ZYG11B: variants seen among roughly 807,000 people sequenced by gnomAD.
The protein encoded by ZYG11B is zyg-11 family member B, cell cycle regulator, also known as protein zyg-11 homolog B.
ZYG11B carries 36 observed loss-of-function variants against 82.4 expected under a neutral mutation model. The ratio of observed to expected loss-of-function variants is 0.44; its 90% CI spans 0.33 to 0.58. The LOEUF is 0.58. Among genes scored for constraint, ZYG11B ranks in the 20% least tolerant of loss-of-function variants. The pLI is 0.02. For missense variants in ZYG11B, 552 were observed against 895.6 expected (o/e 0.62, Z 4.90); for synonymous variants, 303 against 312.8 (o/e 0.97, Z 0.33).
At chr1:52,802,225 G>A in intron 10 of ZYG11B, 86 bp downstream of exon 10, 1 of 1,338,992 alleles carries the variant, frequency 7.5e-7, no homozygotes, top group Non-Finnish European at 1.0e-6. Context: ...GCTCTGCAGT[G>A]GCAGTATCAT....
At chr1:52,732,645 G>T (rs1644342410) in intron 1 of ZYG11B, among the ~76,000 whole-genome samples, 1 of 151,956 alleles carries the variant, frequency 6.6e-6, no homozygotes, top group Admixed American at 6.6e-5. Flanking sequence ...CACACCAGTA[G>T]TCCCAACTAC....
At chr1:52,729,082 G>A (rs1298435774) in intron 1 of ZYG11B, among the ~76,000 whole-genome samples, 1 of 152,134 alleles carries the variant, frequency 6.6e-6, no homozygotes, top group East Asian at 1.9e-4. Flanking sequence ...TGGAAGGCTG[G>A]GAAGTCCAAA....
intron 10 of ZYG11B, among the ~76,000 whole-genome samples, chr1:52,808,527 TTTC>T (rs1270386721): frequency 6.6e-6 from 1 of 152,152 alleles, no homozygotes; most frequent in Non-Finnish European, 1.5e-5. Flanking sequence ...TTAGCCATTA[TTTC>T]TTTTTAAAAT....
At chr1:52,807,280 G>A (rs1043982908) in intron 10 of ZYG11B, among the ~76,000 whole-genome samples, 1 of 151,812 alleles carries the variant, frequency 6.6e-6, no homozygotes, top group African/African-American at 2.4e-5. Context: ...GGGATTACAG[G>A]CGTGAGGCAC....
At chr1:52,774,879 G>A (rs996275213) in intron 3 of ZYG11B, among the ~76,000 whole-genome samples, 6 of 151,806 alleles carry the variant, frequency 4.0e-5, no homozygotes, top group African/African-American at 1.5e-4. Context: ...TACATTTGTT[G>A]GCCACCTTAT....
At chr1:52,782,589 T>A (rs1052326005) in intron 4 of ZYG11B, among the ~76,000 whole-genome samples, 3 of 151,634 alleles carry the variant, frequency 2.0e-5, no homozygotes, top group African/African-American at 7.3e-5. Context: ...TTTATTTATT[T>A]ATTTTTGAGA....
chr1:52,730,308 GTAAT>G (rs1644319979), intron 1 of ZYG11B, among the ~76,000 whole-genome samples: 1 of 152,102 alleles, frequency 6.6e-6, no homozygotes, highest in Non-Finnish European at 1.5e-5. Flanking sequence ...TGTATATAGA[GTAAT>G]TTTATTTTAT....
intron 2 of ZYG11B, among the ~76,000 whole-genome samples, chr1:52,768,731 T>C (rs1208084203): frequency 1.3e-5 from 2 of 151,950 alleles, no homozygotes; most frequent in Non-Finnish European, 2.9e-5. Context: ...GTAGCTGGTA[T>C]TACAGGCGCG....
intron 13 of ZYG11B, among the ~76,000 whole-genome samples, chr1:52,817,132 G>A (rs1645231959): frequency 6.6e-6 from 1 of 152,034 alleles, no homozygotes; most frequent in Non-Finnish European, 1.5e-5. Context: ...AATGAGCATG[G>A]TGTAACTAGA....
intron 12 of ZYG11B, among the ~76,000 whole-genome samples, chr1:52,815,733 G>C (rs1174877677): frequency 6.6e-6 from 1 of 152,132 alleles, no homozygotes; most frequent in Non-Finnish European, 1.5e-5. Flanking sequence ...AGGAGATCGA[G>C]ACTATCCTGG....
intron 10 of ZYG11B, among the ~76,000 whole-genome samples, 156 bp downstream of exon 10, chr1:52,802,295 G>A (rs1460796548): frequency 2.7e-5 from 4 of 147,626 alleles, no homozygotes; most frequent in Non-Finnish European, 3.0e-5. Flanking sequence ...ACCTCACCAT[G>A]ATGACTTGAA....
At chr1:52,737,786 C>G (rs905603731) in intron 1 of ZYG11B, among the ~76,000 whole-genome samples, 2 of 152,126 alleles carry the variant, frequency 1.3e-5, no homozygotes, top group Non-Finnish European at 2.9e-5. Flanking sequence ...CAATACTGAG[C>G]AGTATGATGT....
At chr1:52,798,716 G>A (rs990468216) in intron 8 of ZYG11B, among the ~76,000 whole-genome samples, 2 of 152,132 alleles carry the variant, frequency 1.3e-5, no homozygotes, top group Admixed American at 6.6e-5. Flanking sequence ...TGTATGCTTT[G>A]GGGAAGCAGA....
At chr1:52,781,946 T>G (rs1371482290) in intron 4 of ZYG11B, among the ~76,000 whole-genome samples, 1 of 152,148 alleles carries the variant, frequency 6.6e-6, no homozygotes, top group Non-Finnish European at 1.5e-5. Flanking sequence ...TTTTTTGTTT[T>G]GATTACTGTG....
At chr1:52,788,451 CTA>C (rs1234331133) in intron 5 of ZYG11B, among the ~76,000 whole-genome samples, 3 of 152,194 alleles carry the variant, frequency 2.0e-5, no homozygotes, top group Non-Finnish European at 2.9e-5. Context: ...TGAAGTCAGA[CTA>C]TGTGCACCTG....
At chr1:52,755,752 G>T (rs1233483606) in intron 1 of ZYG11B, among the ~76,000 whole-genome samples, 1 of 149,302 alleles carries the variant, frequency 6.7e-6, no homozygotes, top group African/African-American at 2.5e-5. Context: ...TGATCCACCT[G>T]CCTCGGCCTC....
chr1:52,820,714 T>A (rs2985876), intron 13 of ZYG11B, among the ~76,000 whole-genome samples: 2,072 of 27,078 alleles, frequency 0.077, 102 homozygotes, highest in African/African-American at 0.36. Flanking sequence ...AGACTGTCTT[T>A]AAAAAAAAAA....
chr1:52,812,370 CTTGT>C (rs1645191030), intron 10 of ZYG11B, among the ~76,000 whole-genome samples: 1 of 151,926 alleles, frequency 6.6e-6, no homozygotes, highest in South Asian at 2.1e-4. Context: ...CTTCTTGAAG[CTTGT>C]TTATGTGTTA....
chr1:52,775,699 A>C (rs1387054923), intron 3 of ZYG11B, among the ~76,000 whole-genome samples: 4 of 152,144 alleles, frequency 2.6e-5, no homozygotes, highest in Non-Finnish European at 4.4e-5. Flanking sequence ...TCAAAAACAA[A>C]AAAACAACAA....
Sources: allele counts gnomAD v4.1 joint callset (sites outside exome capture counted in the v4.1 genomes callset), GRCh38; gene constraint gnomAD v4.1.1; transcripts MANE v1.5; gene names NCBI Gene and HGNC (gene_info 2026-07-23, HGNC 2026-07-21).